PLCH1: variants seen among roughly 807,000 people sequenced by gnomAD.
The protein encoded by PLCH1 is phospholipase C eta 1.
Under a neutral mutation model 126.7 loss-of-function variants are expected in PLCH1, and 60 were observed. The ratio of observed to expected loss-of-function variants is 0.47; its 90% CI spans 0.38 to 0.59. The LOEUF (loss-of-function observed/expected upper bound fraction) is 0.59. Ranked by LOEUF, PLCH1 falls within the 20% of genes least tolerant of loss-of-function variation. The pLI is 0.00. For synonymous variants in PLCH1, 719 were observed against 734.9 expected (o/e 0.98, Z 0.35); for missense variants, 1,723 against 2,040.0 (o/e 0.84, Z 2.99).
chr3:155,485,820 C>A, intron 21 of PLCH1, 110 bp from the exon 22 acceptor site: 4 of 663,754 alleles, frequency 6.0e-6, no homozygotes, highest in Non-Finnish European at 1.0e-5. Flanking sequence ...AATCGTACAG[C>A]CATTGAAATA....
At chr3:155,651,302 TG>T (rs1480830387) in intron 2 of PLCH1, among the ~76,000 whole-genome samples, 1 of 152,228 alleles carries the variant, frequency 6.6e-6, no homozygotes, top group African/African-American at 2.4e-5. Context: ...AAAACTTAAA[TG>T]TCCATCAGAA....
chr3:155,452,103 A>G (rs1712322103), intron 21 of PLCH1, among the ~76,000 whole-genome samples: 1 of 152,198 alleles, frequency 6.6e-6, no homozygotes, highest in Non-Finnish European at 1.5e-5. Context: ...GACATACCCA[A>G]GACTGGGAAG....
rs187987256 is a variant in PLCH1, at chr3:155,497,477, G to T, written c.1797-60C>A. On this transcript the variant is annotated intron_variant, in intron 14 of 22. Coordinates refer to ENST00000460012, the MANE Select transcript of PLCH1 (RefSeq NM_014996.4). ...GGAGTTGAAAGAGGTTTGGGTTCTT[G>T]GTTATCCCACTTTCCTTATTTAAGA... is the stretch of plus-strand genomic sequence containing the variant. 426 of 1,145,706 alleles carry T rather than the reference G, an allele frequency of 3.7e-4. 10 individuals carry two copies. In the East Asian group the frequency reaches 6.6e-3, roughly 18 times the overall value. 71.0% of individuals were successfully genotyped at this position (1,145,706 alleles called of 1,614,324 possible). A position where few individuals can be genotyped will look rare whatever the true frequency, so the allele number is the denominator to read the frequency against.
intron 2 of PLCH1, among the ~76,000 whole-genome samples, chr3:155,614,827 T>C (rs1441266899): frequency 1.3e-5 from 2 of 152,044 alleles, no homozygotes; most frequent in East Asian, 3.9e-4. Flanking sequence ...AAACCATAAA[T>C]ATTCTAGAAG....
At chr3:155,701,678 C>T (rs987759665) in intron 2 of PLCH1, among the ~76,000 whole-genome samples, 2 of 152,194 alleles carry the variant, frequency 1.3e-5, no homozygotes, top group African/African-American at 4.8e-5. Flanking sequence ...ACATTTCCTA[C>T]TCAACATGTC....
chr3:155,465,526 C>T (rs1404814787), intron 21 of PLCH1, among the ~76,000 whole-genome samples: 2 of 151,954 alleles, frequency 1.3e-5, no homozygotes, highest in South Asian at 2.1e-4. Context: ...TGAGACTTGC[C>T]GGCTTTAGGT....
intron 2 of PLCH1, among the ~76,000 whole-genome samples, chr3:155,603,125 A>G (rs905395379): frequency 6.7e-6 from 1 of 149,792 alleles, no homozygotes; most frequent in Non-Finnish European, 1.5e-5. Context: ...TGAACTGTGA[A>G]TTAGCAGGCA....
rs114037779 is a variant in PLCH1, at chr3:155,461,036, T to C, written c.2938+24320A>G. ...GGGAAAATCAAAAGCAGCTCACCTT[T>C]ACATTTGTAAGGACAGCAGTAAATC... On this transcript the variant is annotated intron_variant, in intron 21 of 21. Transcript: ENST00000494598. Among the ~76,000 whole-genome samples the C allele has an allele frequency of 6.7e-3, 1,019 of 152,332 alleles. 8 individuals are homozygous for C. The highest frequency in any genetic ancestry group is 0.023 in the African/African-American group (974 of 41,576).
chr3:155,594,107 C>T lies in PLCH1; in HGVS notation c.304G>A (p.Asp102Asn), dbSNP rs751518677. 8 of 1,613,920 alleles carry T rather than the reference C, an allele frequency of 5.0e-6. No homozygotes were observed. Among genetic ancestry groups the T allele is most frequent in the Middle Eastern group, 1.7e-4 (1 of 6,050 alleles). The change falls in exon 4 of 23, where the codon GAC becomes AAC. Residue 102 changes from aspartate to asparagine, a missense_variant. Asp to Asn is a conservative substitution (Grantham distance 23, BLOSUM62 1). This residue lies in a region of PLCH1 where 776 missense variants were observed against 1,062.9 expected (regional missense o/e 0.73). Transcript: ENST00000460012. Reference sequence around the variant, plus strand: ...TAGATGGTGAAGCAGCAGCTGGGGTCGAAGTTCCCCTCAGCTTGTCTGTGG... The same window carrying T: ...TAGATGGTGAAGCAGCAGCTGGGGTTGAAGTTCCCCTCAGCTTGTCTGTGG... The part of the protein sequence containing the change: ...IFHRQAEGNF[D>N]PSCCFTIYHG...
chr3:155,613,873 CA>C (rs758821051), intron 2 of PLCH1, among the ~76,000 whole-genome samples: 7 of 151,858 alleles, frequency 4.6e-5, no homozygotes, highest in Non-Finnish European at 1.0e-4. Context: ...CATTGTTCGC[CA>C]ACGATATTTT....
In PLCH1 at chr3:155,481,945, G is replaced by A; in HGVS notation, c.4081C>T (p.Leu1361Phe). Residue 1361 changes from leucine (L) to phenylalanine (F), a missense_variant, in exon 23 of 23, where the codon CTT (leucine) becomes TTT (phenylalanine). This residue lies in a region of PLCH1 where 947 missense variants were observed against 977.1 expected (regional missense o/e 0.97). Transcript: ENST00000460012. This position sits in a 1 kb window ranked among gnomAD's most constrained non-coding sequence, Gnocchi z 4.2. ...CTATATTCACAGGTTGTTAGAGAAA[G>A]ATTTTCTGATTCTCCATCAATTTCC... ...LVEIDGESEN[L>F]SLTTCEYRRE... 6.2e-7 allele frequency: 1 copy of A among 1,614,154 alleles called. No individual in the cohort carries two copies. The highest frequency in any genetic ancestry group is 2.2e-5 in the East Asian group (1 of 44,890).
chr3:155,467,905 C>T (rs527795895), intron 21 of PLCH1, among the ~76,000 whole-genome samples: 97 of 152,128 alleles, frequency 6.4e-4, no homozygotes, highest in South Asian at 2.5e-3. Flanking sequence ...AATAATCATC[C>T]GAAGGCACAA....
intron 2 of PLCH1, among the ~76,000 whole-genome samples, chr3:155,648,057 A>C (rs1740263621): frequency 6.6e-6 from 1 of 152,242 alleles, no homozygotes; most frequent in South Asian, 2.1e-4. Flanking sequence ...AAAACTCAGA[A>C]GACTTGAAAA....
chr3:155,633,718 T>C (rs1044527124), intron 2 of PLCH1, among the ~76,000 whole-genome samples: 2 of 152,160 alleles, frequency 1.3e-5, no homozygotes, highest in African/African-American at 2.4e-5. Context: ...GGCCGGGAGT[T>C]CGAGATCAGC....
chr3:155,723,644 A>C (rs981170195), intron 1 of PLCH1, among the ~76,000 whole-genome samples: 3 of 152,068 alleles, frequency 2.0e-5, no homozygotes, highest in Admixed American at 6.6e-5. Context: ...ATTATCATTC[A>C]GTTCAAATAA....
chr3:155,602,608 T>A (rs1481086139), intron 2 of PLCH1, among the ~76,000 whole-genome samples: 1 of 152,216 alleles, frequency 6.6e-6, no homozygotes, highest in Non-Finnish European at 1.5e-5. Context: ...AACCTACTGC[T>A]CCTAGGCTAC....
intron 2 of PLCH1, among the ~76,000 whole-genome samples, chr3:155,611,660 A>G (rs1735109856): frequency 3.3e-5 from 5 of 152,202 alleles, no homozygotes; most frequent in Admixed American, 3.3e-4. Flanking sequence ...TACACCCTAG[A>G]ACAAATGGAA....
intron 21 of PLCH1, among the ~76,000 whole-genome samples, chr3:155,462,054 A>AATATT (rs1712746876): frequency 6.6e-6 from 1 of 152,246 alleles, no homozygotes; most frequent in African/African-American, 2.4e-5. Context: ...ATTCCCAGGC[A>AATATT]GTATTGCTTC....
At chr3:155,650,612 A>G (rs544954421) in intron 2 of PLCH1, among the ~76,000 whole-genome samples, 44 of 152,386 alleles carry the variant, frequency 2.9e-4, no homozygotes, top group Admixed American at 7.8e-4. Context: ...GTAGTTGAAT[A>G]CATTCATAAC....
Sources: gnomAD v4.1 joint callset for allele counts (sites outside exome capture counted in the v4.1 genomes callset) on GRCh38, gnomAD v4.1.1 for gene constraint, gnomAD v4.1.1 regional missense constraint, Gnocchi (gnomAD v3.1) non-coding constraint, MANE v1.5 for transcripts, NCBI Gene and HGNC (gene_info 2026-07-23, HGNC 2026-07-21) for gene names.